PRRC2B: variants seen among roughly 807,000 people sequenced by gnomAD.
PRRC2B encodes the protein protein PRRC2B.
A neutral mutation model predicts 242.3 loss-of-function variants in PRRC2B; 68 were observed. The observed-to-expected ratio is 0.28, with a 90% CI of 0.23 to 0.34. PRRC2B has a LOEUF of 0.34. Ranked by LOEUF, PRRC2B falls within the 10% of genes least tolerant of loss-of-function variation. The pLI is 1.00. For missense variants in PRRC2B, 2,835 were observed against 2,954.8 expected, an observed-to-expected ratio of 0.96 and a Z score of 0.94; for synonymous variants, 1,228 against 1,173.6, an observed-to-expected ratio of 1.05 and a Z score of -0.95.
At chr9:131,402,768 A>T (rs1837258514) in intron 1 of PRRC2B, among the ~76,000 whole-genome samples, 1 of 152,240 alleles carries the variant, frequency 6.6e-6, no homozygotes, top group Admixed American at 6.5e-5. Context: ...CTGGAACATT[A>T]AAAATGTGTT....
chr9:131,484,896 A>C, intron 24 of PRRC2B, 52 bp from the exon 25 acceptor site: 5 of 1,582,040 alleles, frequency 3.2e-6, no homozygotes, highest in Non-Finnish European at 4.3e-6. Context: ...GGCTCTGTCC[A>C]CTGCCAGCGT....
intron 1 of PRRC2B, among the ~76,000 whole-genome samples, chr9:131,375,291 C>T (rs1014569809): frequency 6.6e-6 from 1 of 151,814 alleles, no homozygotes; most frequent in Non-Finnish European, 1.5e-5. Context: ...CCCAGCTACT[C>T]GGGAGGCTAA....
chr9:131,462,045 C>T (rs150979767), intron 11 of PRRC2B, among the ~76,000 whole-genome samples: 74 of 152,200 alleles, frequency 4.9e-4, no homozygotes, highest in Admixed American at 1.8e-3. Context: ...GAGGTTGCTC[C>T]GTATTCCTTT....
rs542865712 is a variant in PRRC2B, at chr9:131,466,036, A to G, written c.1720+958A>G. Among the ~76,000 whole-genome samples the G allele has an allele frequency of 1.3e-3, 191 of 152,346 alleles. 1 individual carries two copies. The highest frequency in any genetic ancestry group is 4.0e-3 in the African/African-American group (166 of 41,590). ...CACTGTGCCTGGGCAACACGGCCCTATTTAAGAGTAATGAAGCAGTGCTCT... is the reference window on the plus strand; with the variant it reads ...CACTGTGCCTGGGCAACACGGCCCTGTTTAAGAGTAATGAAGCAGTGCTCT... On this transcript the variant is annotated intron_variant, in intron 12 of 31. Transcript: ENST00000683519.
Position 131,463,953 on chromosome 9 carries a change from T to C in PRRC2B, c.1405-810T>C, listed in dbSNP as rs373183739. Reference sequence around the variant, plus strand: ...TTTGCTAGACATGCTTTTTTTTTTTTTTCCCCCAGATGGAGTCTCGCTCTG... The same window carrying C: ...TTTGCTAGACATGCTTTTTTTTTTTCTTCCCCCAGATGGAGTCTCGCTCTG... On this transcript the variant is annotated intron_variant, in intron 11 of 31. Coordinates refer to ENST00000683519, the MANE Select transcript of PRRC2B (RefSeq NM_013318.4). Among the ~76,000 whole-genome samples the C allele has an allele frequency of 1.9e-4, 29 of 151,176 alleles. No homozygotes were observed. The East Asian group carries it at 5.2e-3, about 27-fold the overall frequency.
Position 131,447,901 on chromosome 9 carries a change from CTTGGCAAGATAGGGA to C in PRRC2B, c.1120+99_1120+113del, listed in dbSNP as rs945388966. The C allele has an allele frequency of 2.9e-6, 4 of 1,360,660 alleles. No individual in the cohort carries two copies. In the African/African-American group the frequency reaches 5.8e-5, roughly 20 times the overall value. 84.3% of individuals were successfully genotyped at this position (1,360,660 alleles called of 1,614,324 possible). A position where few individuals can be genotyped will look rare whatever the true frequency, so the allele number is the denominator to read the frequency against. ...CCCCTGGCACCACCGTGTGTTTTCC[CTTGGCAAGATAGGGA>C]TGAAGAGCCGGACAGGGAAGCAGAC... On this transcript the variant is annotated intron_variant, in intron 9 of 31. Transcript: ENST00000683519.
At position 131,427,540 on chromosome 9, in the gene PRRC2B, C is replaced by T. The variant is rs780399714; in HGVS notation, c.-51-2554C>T. On this transcript the variant is annotated intron_variant, in intron 1 of 31. Transcript: ENST00000683519. ...AGAGAAGGGGTTTCACCGTGTTAGC[C>T]GGGATGGTCTCGATCTCCTGACCTA... Among the ~76,000 whole-genome samples the T allele has an allele frequency of 5.3e-5, 8 of 152,104 alleles. No homozygotes were observed. The East Asian group carries it at 1.2e-3, about 22-fold the overall frequency.
rs1013353341 is a variant in PRRC2B, at chr9:131,464,841, A to G, written c.1483A>G (p.Ile495Val). 11 of 1,613,644 alleles carry G rather than the reference A, an allele frequency of 6.8e-6. No homozygotes were observed. Among genetic ancestry groups the G allele is most frequent in the Non-Finnish European group, 9.3e-6 (11 of 1,179,734 alleles). Residue 495 changes from isoleucine (I) to valine (V), a missense_variant, in exon 12 of 32, where the codon ATT becomes GTT. Ile to Val is a conservative substitution (Grantham distance 29). This residue lies in a region of PRRC2B where 626 missense variants were observed against 685.5 expected (regional missense o/e 0.91). Coordinates refer to ENST00000683519, the MANE Select transcript of PRRC2B (RefSeq NM_013318.4). The stretch of plus-strand genomic sequence containing the variant: ...CAAGCCCCCACCAAGGCAGAAGTTC[A>G]TTCAGTCAGAGATGTCCGAGGCGGT... ...EDKPPPRQKFIQSEMSEAVER... is the reference protein window; with the variant it reads ...EDKPPPRQKFVQSEMSEAVER...
Position 131,487,408 on chromosome 9 carries a change from C to T in PRRC2B, c.5984+114C>T, listed in dbSNP as rs942539222. ...CTTGTCTGCTTTGGGGCCAGTGGGG[C>T]GGGGAGGGGTGGGAGTTTGCTCTGA... On this transcript the variant is annotated intron_variant, in intron 27 of 31. Transcript: ENST00000683519. The surrounding 1 kb of genome is among the most constrained non-coding windows in gnomAD (Gnocchi z 5.3). 9.8e-6 allele frequency: 4 copies of T among 410,072 alleles called. No homozygotes were observed. Among genetic ancestry groups the T allele is most frequent in the South Asian group, 4.3e-5 (2 of 46,982 alleles). 25.4% of individuals were successfully genotyped at this position (410,072 alleles called of 1,614,324 possible).
intron 1 of PRRC2B, among the ~76,000 whole-genome samples, chr9:131,418,096 C>T (rs1305803691): frequency 6.6e-6 from 1 of 152,222 alleles, no homozygotes; most frequent in East Asian, 1.9e-4. Flanking sequence ...AGAGTTCAGC[C>T]AGCTGCAGGG....
intron 28 of PRRC2B, among the ~76,000 whole-genome samples, chr9:131,490,009 A>G (rs903858437): frequency 6.6e-6 from 1 of 152,102 alleles, no homozygotes; most frequent in Admixed American, 6.5e-5. Flanking sequence ...GTGTGTTTCA[A>G]GAGTCATGGC....
intron 10 of PRRC2B, among the ~76,000 whole-genome samples, chr9:131,456,383 G>T (rs972308034): frequency 6.6e-6 from 1 of 151,914 alleles, no homozygotes; most frequent in African/African-American, 2.4e-5. Flanking sequence ...TGTAATCCTA[G>T]CACTTTGGGA....
intron 19 of PRRC2B, among the ~76,000 whole-genome samples, chr9:131,479,942 A>G (rs1943811086): frequency 6.6e-6 from 1 of 152,086 alleles, no homozygotes; most frequent in African/African-American, 2.4e-5. Flanking sequence ...TTCTATATCA[A>G]ATGTAATTTT....
At chr9:131,479,936 A>G (rs567806209) in intron 19 of PRRC2B, among the ~76,000 whole-genome samples, 13 of 152,020 alleles carry the variant, frequency 8.6e-5, no homozygotes, top group East Asian at 5.8e-4. Flanking sequence ...TTTTAATTCT[A>G]TATCAAATGT....
At chr9:131,376,397 G>A (rs145737174) in intron 1 of PRRC2B, among the ~76,000 whole-genome samples, 3 of 151,546 alleles carry the variant, frequency 2.0e-5, no homozygotes, top group Admixed American at 6.6e-5. Context: ...CATGTAGCAT[G>A]CTTAGCATGG....
chr9:131,435,610 A>G (rs930114850), intron 3 of PRRC2B, among the ~76,000 whole-genome samples: 65 of 100,512 alleles, frequency 6.5e-4, no homozygotes, highest in African/African-American at 2.4e-3. Context: ...ATGAGACTCC[A>G]TCTAAAAAAA....
In PRRC2B at chr9:131,386,827, T is replaced by G. The variant is rs1459118672; in HGVS notation, c.-56+13096T>G. ...TAGGATATATATAATCATATATATATATAAGTCATATATATATATAGGAGT... is the reference window on the plus strand; with the variant it reads ...TAGGATATATATAATCATATATATAGATAAGTCATATATATATATAGGAGT... On this transcript the variant is annotated intron_variant, in intron 1 of 1. Coordinates refer to the PRRC2B transcript ENST00000682525. Among the ~76,000 whole-genome samples, 2 of 149,240 alleles carry G rather than the reference T, an allele frequency of 1.3e-5. 1 individual carries two copies. Among genetic ancestry groups the G allele is most frequent in the Non-Finnish European group, 3.0e-5 (2 of 67,430 alleles).
At position 131,462,836 on chromosome 9, in the gene PRRC2B, T is replaced by TGAA. The variant is rs1554763506; in HGVS notation, c.1405-1927_1405-1926insGAA. ...CTGGGTGACAGAGTGAGACTCCGTC[T>TGAA]AAAAAAAAAAAAAAAAAAAAGGTCT... is the stretch of plus-strand genomic sequence containing the variant. On this transcript the variant is annotated intron_variant, in intron 11 of 31. Transcript: ENST00000683519. 6.1e-5 allele frequency among the ~76,000 whole-genome samples: 5 copies of TGAA among 81,940 alleles called. 1 individual carries two copies. Among genetic ancestry groups the TGAA allele is most frequent in the Non-Finnish European group, 1.1e-4 (5 of 44,538 alleles). The allele number at this position is 81,940 out of a possible 152,430, so 53.8% of individuals were successfully genotyped here.
At chr9:131,394,774 T>G (rs1836996717) in intron 1 of PRRC2B, among the ~76,000 whole-genome samples, 1 of 150,986 alleles carries the variant, frequency 6.6e-6, no homozygotes. Context: ...CGCGGGGCCG[T>G]TCCTGGCGCG....
Sources: allele counts gnomAD v4.1 joint callset (sites outside exome capture counted in the v4.1 genomes callset), GRCh38; gene constraint gnomAD v4.1.1; regional missense constraint gnomAD v4.1.1; non-coding constraint Gnocchi (gnomAD v3.1); transcripts MANE v1.5; gene names NCBI Gene and HGNC (gene_info 2026-07-23, HGNC 2026-07-21).